The following KCND2 variants were observed in gnomAD, a reference collection of about 807,000 sequenced individuals.
KCND2 encodes potassium voltage-gated channel subfamily D member 2.
Under a neutral mutation model 54.4 loss-of-function variants are expected in KCND2, and 16 were observed. That is an observed-to-expected ratio of 0.29 (90% CI 0.20 to 0.45). The LOEUF (loss-of-function observed/expected upper bound fraction) is 0.45, where lower values mean the gene tolerates loss of function less well. KCND2 is among the 20% of genes least tolerant of loss of function. The pLI is 1.00. For synonymous variants in KCND2, 317 were observed against 310.7 expected (o/e 1.02, Z -0.21); for missense variants, 486 against 824.2 (o/e 0.59, Z 5.02).
intron 1 of KCND2, among the ~76,000 whole-genome samples, chr7:120,428,064 G>T (rs1467555524): frequency 6.6e-6 from 1 of 152,066 alleles, no homozygotes; most frequent in Non-Finnish European, 1.5e-5. Context: ...TAAATTATCA[G>T]AACTATAATT....
At chr7:120,293,722 G>T (rs1799470544) in intron 1 of KCND2, among the ~76,000 whole-genome samples, 1 of 151,722 alleles carries the variant, frequency 6.6e-6, no homozygotes, top group Admixed American at 6.6e-5. Flanking sequence ...AACATATATT[G>T]TCTTTGATTA....
chr7:120,402,055 A>C (rs1358623069), intron 1 of KCND2, among the ~76,000 whole-genome samples: 1 of 152,198 alleles, frequency 6.6e-6, no homozygotes, highest in Admixed American at 6.6e-5. Context: ...AGGGTGACAA[A>C]ATGGTGAATT....
chr7:120,295,895 A>T (rs1293326791), intron 1 of KCND2, among the ~76,000 whole-genome samples: 1 of 151,996 alleles, frequency 6.6e-6, no homozygotes, highest in African/African-American at 2.4e-5. Context: ...CTCTATCTAC[A>T]GTCTTACCAT....
At chr7:120,480,394 TA>T (rs1802591141) in intron 1 of KCND2, among the ~76,000 whole-genome samples, 1 of 152,170 alleles carries the variant, frequency 6.6e-6, no homozygotes, top group Admixed American at 6.5e-5. Context: ...TTTTATTCAT[TA>T]AAAGACTTTA....
At chr7:120,695,114 T>C in intron 1 of KCND2, among the ~76,000 whole-genome samples, 1 of 152,106 alleles carries the variant, frequency 6.6e-6, no homozygotes, top group Admixed American at 6.6e-5. Flanking sequence ...TACTCCACGA[T>C]GCTAAATACA....
chr7:120,577,141 T>C (rs12171571), intron 1 of KCND2, among the ~76,000 whole-genome samples: 19,441 of 151,950 alleles, frequency 0.13, 2,148 homozygotes, highest in African/African-American at 0.31. Context: ...AGTGAGACTC[T>C]GTCTCCAAAT....
intron 1 of KCND2, among the ~76,000 whole-genome samples, chr7:120,461,054 C>T (rs529125040): frequency 6.6e-6 from 1 of 152,220 alleles, no homozygotes; most frequent in South Asian, 2.1e-4. Flanking sequence ...CACCCTGTAC[C>T]TTGGATGTTC....
intron 1 of KCND2, among the ~76,000 whole-genome samples, chr7:120,533,965 C>T (rs1006581482): frequency 5.3e-5 from 8 of 152,124 alleles, no homozygotes; most frequent in African/African-American, 1.9e-4. Flanking sequence ...GTTTGATGCA[C>T]TATGTCATCC....
intron 1 of KCND2, among the ~76,000 whole-genome samples, chr7:120,624,311 CTAAAAG>C (rs1327921184): frequency 6.6e-6 from 1 of 152,160 alleles, no homozygotes; most frequent in Admixed American, 6.5e-5. Context: ...GATTTTTCTA[CTAAAAG>C]TACACATTAA....
intron 1 of KCND2, among the ~76,000 whole-genome samples, chr7:120,524,441 T>A (rs1333234996): frequency 6.6e-6 from 1 of 152,162 alleles, no homozygotes; most frequent in East Asian, 1.9e-4. Flanking sequence ...AATATATTTT[T>A]AAAGGCTTTT....
intron 1 of KCND2, among the ~76,000 whole-genome samples, chr7:120,333,907 T>C (rs572418309): frequency 1.1e-4 from 17 of 152,162 alleles, no homozygotes; most frequent in Non-Finnish European, 2.1e-4. Flanking sequence ...ATCTTAACAA[T>C]ATGTGACTAC....
At chr7:120,393,717 T>A (rs1352667250) in intron 1 of KCND2, among the ~76,000 whole-genome samples, 1 of 152,018 alleles carries the variant, frequency 6.6e-6, no homozygotes, top group Non-Finnish European at 1.5e-5. Flanking sequence ...TTTTCTTAAT[T>A]TCTCCCAGAA....
At chr7:120,400,948 G>A (rs950390354) in intron 1 of KCND2, among the ~76,000 whole-genome samples, 1 of 150,690 alleles carries the variant, frequency 6.6e-6, no homozygotes, top group Non-Finnish European at 1.5e-5. Flanking sequence ...AATGAGCACT[G>A]CATGTACTAT....
At chr7:120,493,585 G>T (rs1372696596) in intron 1 of KCND2, among the ~76,000 whole-genome samples, 1 of 151,988 alleles carries the variant, frequency 6.6e-6, no homozygotes, top group Non-Finnish European at 1.5e-5. Flanking sequence ...CCTTTTCACA[G>T]AAAAACACAG....
chr7:120,399,701 CTTATTTATTTAT>C (rs140548387), intron 1 of KCND2, among the ~76,000 whole-genome samples: 67 of 148,422 alleles, frequency 4.5e-4, no homozygotes, highest in Admixed American at 1.0e-3. Flanking sequence ...TTATTTTTAC[CTTATTTATTTAT>C]TTATTTATTT....
rs562236832 is a variant in KCND2, at chr7:120,741,146, G to A, written c.1279-388G>A. ...CATTAGTTTAAACGAAAAGGAGTTG[G>A]CAGCTGGTTTCCTGAGCTACCGGTC... On this transcript the variant is annotated intron_variant, in intron 2 of 5. Coordinates refer to ENST00000331113, the MANE Select transcript of KCND2 (RefSeq NM_012281.3). Among the ~76,000 whole-genome samples the A allele has an allele frequency of 1.5e-3, 230 of 152,008 alleles. 1 individual carries two copies. The highest frequency in any genetic ancestry group is 2.4e-3 in the Non-Finnish European group (160 of 67,980).
chr7:120,497,447 A>G (rs1802866092), intron 1 of KCND2, among the ~76,000 whole-genome samples: 1 of 152,210 alleles, frequency 6.6e-6, no homozygotes, highest in Non-Finnish European at 1.5e-5. Context: ...AAGTTTTAGC[A>G]AGTTATATTT....
intron 1 of KCND2, among the ~76,000 whole-genome samples, chr7:120,695,079 G>C (rs953814813): frequency 3.3e-5 from 5 of 152,052 alleles, no homozygotes; most frequent in Non-Finnish European, 7.3e-5. Flanking sequence ...TTCCTTAGGG[G>C]TATAGTTCTT....
intron 1 of KCND2, among the ~76,000 whole-genome samples, chr7:120,513,986 C>G (rs1007516737): frequency 6.6e-6 from 1 of 152,066 alleles, no homozygotes; most frequent in Admixed American, 6.6e-5. Flanking sequence ...CTAATGAGCA[C>G]TTAAGTGTGA....
Sources: allele counts gnomAD v4.1 joint callset (sites outside exome capture counted in the v4.1 genomes callset), GRCh38; gene constraint gnomAD v4.1.1; transcripts MANE v1.5; gene names NCBI Gene and HGNC (gene_info 2026-07-23, HGNC 2026-07-21).